Variants in FAM171A1 observed in about 807,000 individuals in gnomAD.
FAM171A1 encodes the protein family with sequence similarity 171 member A1.
In FAM171A1, 23 loss-of-function variants were observed where a neutral mutation model predicts 74.9. That is an observed-to-expected ratio of 0.31 (90% CI 0.22 to 0.44). The LOEUF is 0.44. Among genes scored for constraint, FAM171A1 ranks in the 20% least tolerant of loss-of-function variants. The pLI is 1.00. For synonymous variants in FAM171A1, 527 were observed against 505.7 expected (o/e 1.04, Z -0.57); for missense variants, 1,162 against 1,159.2 (o/e 1.00, Z -0.03).
chr10:15,229,837 C>T lies in FAM171A1; in HGVS notation c.755-8777G>A, dbSNP rs897938496. 1.9e-3 allele frequency among the ~76,000 whole-genome samples: 15 copies of T among 7,754 alleles called. 2 individuals carry two copies. The highest frequency in any genetic ancestry group is 3.9e-3 in the Non-Finnish European group (12 of 3,046). The allele number at this position is 7,754 out of a possible 152,430, so 5.1% of individuals were successfully genotyped here. A position where few individuals can be genotyped will look rare whatever the true frequency, so the allele number is the denominator to read the frequency against. On this transcript the variant is annotated intron_variant, in intron 5 of 7. Transcript: ENST00000378116. ...ACCACCATCACCATCATCATCATCA[C>T]CACCATCACCATCATCACCATCACC...
chr10:15,226,796 C>A (rs1834113688), intron 5 of FAM171A1, among the ~76,000 whole-genome samples: 1 of 152,058 alleles, frequency 6.6e-6, no homozygotes, highest in African/African-American at 2.4e-5. Flanking sequence ...CCCCTACCCT[C>A]ATGTTTATTT....
chr10:15,227,206 G>T (rs1298692324), intron 5 of FAM171A1, among the ~76,000 whole-genome samples: 1 of 152,074 alleles, frequency 6.6e-6, no homozygotes, highest in Non-Finnish European at 1.5e-5. Flanking sequence ...TCACCATGTT[G>T]GCCAGGCTGG....
chr10:15,263,219 C>T (rs12354460), intron 3 of FAM171A1, among the ~76,000 whole-genome samples: 86,453 of 152,008 alleles, frequency 0.57, 24,863 homozygotes, highest in South Asian at 0.68. Context: ...TCTGAGACAG[C>T]GTGAGGGCCT....
At chr10:15,339,791 C>T (rs984515143) in intron 1 of FAM171A1, among the ~76,000 whole-genome samples, 2 of 152,048 alleles carry the variant, frequency 1.3e-5, no homozygotes, top group Non-Finnish European at 2.9e-5. Flanking sequence ...ATACCCGAGA[C>T]TGGGTAATTT....
chr10:15,255,675 G>A lies in FAM171A1; in HGVS notation c.419-796C>T, dbSNP rs1834570935. ...TCTTCTTTTTTTTTTTTGAGATGGA[G>A]TTTTGCTCTTGTCGCCCAGGCTGGA... is the stretch of plus-strand genomic sequence containing the variant. On this transcript the variant is annotated intron_variant, in intron 3 of 7. Transcript: ENST00000378116. Among the ~76,000 whole-genome samples, 2 of 149,790 alleles carry A rather than the reference G, an allele frequency of 1.3e-5. 1 individual carries two copies. The highest frequency in any genetic ancestry group is 4.9e-5 in the African/African-American group (2 of 40,650).
At chr10:15,243,541 C>T (rs1166186196) in intron 5 of FAM171A1, among the ~76,000 whole-genome samples, 2 of 152,118 alleles carry the variant, frequency 1.3e-5, no homozygotes, top group East Asian at 1.9e-4. Context: ...ACAGTGCACA[C>T]AACCCATACA....
At chr10:15,371,554 AC>A (rs569877235), upstream of FAM171A1, among the ~76,000 whole-genome samples, 1 of 150,550 alleles carries the variant, frequency 6.6e-6, no homozygotes, top group African/African-American at 2.4e-5. Flanking sequence ...TCTGGGTGTG[AC>A]CCCCCCACCA....
chr10:15,243,748 C>G (rs1046298704), intron 5 of FAM171A1, among the ~76,000 whole-genome samples: 4 of 152,148 alleles, frequency 2.6e-5, no homozygotes, highest in African/African-American at 9.7e-5. Flanking sequence ...CCTTTTATAA[C>G]GTGTACATAT....
intron 1 of FAM171A1, among the ~76,000 whole-genome samples, chr10:15,311,973 C>G (rs1001826137): frequency 6.6e-6 from 1 of 152,170 alleles, no homozygotes. Context: ...TTTACTGTTA[C>G]AGTGAGGTAT....
At chr10:15,279,787 G>A (rs138463747) in intron 2 of FAM171A1, among the ~76,000 whole-genome samples, 1,644 of 152,194 alleles carry the variant, frequency 0.011, 26 homozygotes, top group African/African-American at 0.037. Context: ...GCATGGTGGC[G>A]TGCACCTGCA....
chr10:15,289,262 T>A (rs1461514495), intron 1 of FAM171A1, among the ~76,000 whole-genome samples: 1 of 152,130 alleles, frequency 6.6e-6, no homozygotes, highest in Non-Finnish European at 1.5e-5. Context: ...AGGCAAGGCA[T>A]TAGTTACTAC....
At chr10:15,229,668 C>G (rs957272966) in intron 5 of FAM171A1, among the ~76,000 whole-genome samples, 22 of 115,386 alleles carry the variant, frequency 1.9e-4, no homozygotes, top group Admixed American at 9.4e-5. Context: ...CATTGTCACC[C>G]CCATCACCAT....
intron 5 of FAM171A1, among the ~76,000 whole-genome samples, chr10:15,224,820 C>T (rs4584473): frequency 0.27 from 40,819 of 152,086 alleles, 5,911 homozygotes; most frequent in Middle Eastern, 0.35. Flanking sequence ...TTATCAGCAG[C>T]GTGAAAACAG....
In FAM171A1 at chr10:15,248,725, G is replaced by A; in HGVS notation, c.668C>T (p.Pro223Leu). The A allele has an allele frequency of 6.2e-7, 1 of 1,613,828 alleles. No homozygotes were observed. Among genetic ancestry groups the A allele is most frequent in the Non-Finnish European group, 8.5e-7 (1 of 1,179,842 alleles). The change falls in exon 5 of 8, where the codon CCC (proline) becomes CTC (leucine). Residue 223 changes from proline (P) to leucine (L), a missense_variant. Coordinates refer to ENST00000378116, the MANE Select transcript of FAM171A1 (RefSeq NM_001010924.2). ...SNGTPVLVDG[P>L]IYVTVPLATQ... The stretch of plus-strand genomic sequence containing the variant: ...GGCCAGGGGCACAGTGACATAGATG[G>A]GACCATCCACCAGCACCGGCGTTCC...
At chr10:15,316,540 A>C (rs1414389924) in intron 1 of FAM171A1, among the ~76,000 whole-genome samples, 2 of 152,172 alleles carry the variant, frequency 1.3e-5, no homozygotes. Context: ...CAGACCTTCC[A>C]AGATGCTGAC....
At chr10:15,257,345 G>T (rs1190946361) in intron 3 of FAM171A1, among the ~76,000 whole-genome samples, 3 of 152,136 alleles carry the variant, frequency 2.0e-5, no homozygotes, top group African/African-American at 7.2e-5. Context: ...GGGAGCCGGG[G>T]AATGGGCCCA....
At chr10:15,263,729 A>ATCTGTCTG (rs879925512) in intron 3 of FAM171A1, among the ~76,000 whole-genome samples, 26 of 136,782 alleles carry the variant, frequency 1.9e-4, no homozygotes, top group Admixed American at 3.0e-4. Context: ...CAATCTATCT[A>ATCTGTCTG]TCTATCTGTC....
intron 3 of FAM171A1, among the ~76,000 whole-genome samples, chr10:15,273,122 C>G (rs1448614437): frequency 6.6e-6 from 1 of 151,678 alleles, no homozygotes; most frequent in African/African-American, 2.4e-5. Flanking sequence ...TTGAAAAGAT[C>G]AACAAAATTG....
chr10:15,235,815 TG>T (rs1309286901), intron 5 of FAM171A1, among the ~76,000 whole-genome samples: 15 of 152,212 alleles, frequency 9.9e-5, no homozygotes, highest in Admixed American at 4.6e-4. Flanking sequence ...AGAAGCGGTC[TG>T]GATCTACAGG....
Sources: allele counts gnomAD v4.1 joint callset (sites outside exome capture counted in the v4.1 genomes callset), GRCh38; gene constraint gnomAD v4.1.1; transcripts MANE v1.5; gene names NCBI Gene and HGNC (gene_info 2026-07-23, HGNC 2026-07-21).